The following TEX38 variants were observed in gnomAD, a reference collection of about 807,000 sequenced individuals.
The protein encoded by TEX38 is testis-expressed protein 38.
Under a neutral mutation model 2.7 loss-of-function variants are expected in TEX38, and 5 were observed. The ratio of observed to expected loss-of-function variants is 1.86; its 90% CI spans 0.97 to 3.90. The LOEUF is 3.90. Ranked by LOEUF, TEX38 falls within the 30% of genes most tolerant of loss-of-function variation. TEX38 has a pLI of 0.00. For synonymous variants in TEX38, 110 were observed against 103.3 expected (o/e 1.06, Z -0.39); for missense variants, 218 against 247.9 (o/e 0.88, Z 0.81).
chr1:46,672,220 T>C (rs1676594791), intron 1 of TEX38, among the ~76,000 whole-genome samples: 1 of 151,966 alleles, frequency 6.6e-6, no homozygotes, highest in South Asian at 2.1e-4. Flanking sequence ...GGGACATTGG[T>C]GTCTCTGTCA....
chr1:46,669,992 C>CT (rs1244209539), upstream of TEX38, among the ~76,000 whole-genome samples: 1 of 152,136 alleles, frequency 6.6e-6, no homozygotes, highest in East Asian at 1.9e-4. Flanking sequence ...AAGGATCATG[C>CT]TGGCTGCTGG....
At chr1:46,672,839 C>T (rs932893232) in intron 1 of TEX38, 34 bp from the exon 2 acceptor site, 17 of 1,519,858 alleles carry the variant, frequency 1.1e-5, no homozygotes, top group Non-Finnish European at 1.5e-5. Flanking sequence ...CAGCTATCAG[C>T]CAGCATGCCT....
upstream of TEX38, among the ~76,000 whole-genome samples, chr1:46,670,133 G>A (rs927200703): frequency 6.6e-6 from 1 of 152,106 alleles, no homozygotes; most frequent in African/African-American, 2.4e-5. Context: ...CCAAGTCCTG[G>A]GCAAACCAGG....
At chr1:46,672,040 G>C (rs1261786405) in intron 1 of TEX38, 69 bp downstream of exon 1, 31 of 1,448,814 alleles carry the variant, frequency 2.1e-5, no homozygotes, top group South Asian at 5.8e-5. Context: ...CTCAGGGAAG[G>C]CCCTTTGCAT....
At chr1:46,672,539 T>G (rs538648515) in intron 1 of TEX38, among the ~76,000 whole-genome samples, 1 of 152,328 alleles carries the variant, frequency 6.6e-6, no homozygotes, top group African/African-American at 2.4e-5. Flanking sequence ...TTGATGGACT[T>G]GCCCATAGTG....
upstream of TEX38, among the ~76,000 whole-genome samples, chr1:46,670,974 G>T (rs74798452): frequency 1.5e-3 from 224 of 152,284 alleles, 7 homozygotes; most frequent in East Asian, 0.039. Context: ...AGTCCAGGGA[G>T]ATTAGTTGCT....
At position 46,673,081 on chromosome 1, in the gene TEX38, C is replaced by T. The variant is rs184120146; in HGVS notation, c.246C>T (p.Asn82=). The part of the protein sequence containing the change: ...RRRYGMNAAI[N]TGPAPAVTKT... ...GCTACGGCATGAATGCAGCCATCAA[C>T]ACGGGCCCTGCCCCTGCTGTCACCA... The change falls in exon 2 of 2, where the codon AAC becomes AAT. Residue 82 remains asparagine (N), a synonymous_variant. Transcript: ENST00000334122. 16 of 1,551,772 alleles carry T rather than the reference C, an allele frequency of 1.0e-5. No individual in the cohort carries two copies. The Admixed American group carries it at 3.1e-4, about 30-fold the overall frequency.
Position 46,673,301 on chromosome 1 carries a change from G to GC in TEX38, c.470dup (p.Pro158ThrfsTer22). The GC allele has an allele frequency of 6.4e-7, 1 of 1,551,700 alleles. No homozygotes were observed. The highest frequency in any genetic ancestry group is 8.7e-7 in the Non-Finnish European group (1 of 1,147,004). ...TCCCATCTTTCAGGAGGTGCCCTTT[G>GC]CCCCACCCTTGTGCAACCTACCCCC... On this transcript the variant is annotated frameshift_variant, in exon 2 of 2. Transcript: ENST00000334122. LOFTEE classifies it high-confidence loss of function.
At chr1:46,669,811 G>T (rs1220806423), upstream of TEX38, among the ~76,000 whole-genome samples, 1 of 152,154 alleles carries the variant, frequency 6.6e-6, no homozygotes, top group Non-Finnish European at 1.5e-5. Flanking sequence ...CTGATGAGGA[G>T]GTTATTGAGT....
upstream of TEX38, among the ~76,000 whole-genome samples, chr1:46,670,740 G>C (rs1459483608): frequency 6.6e-6 from 1 of 152,152 alleles, no homozygotes; most frequent in African/African-American, 2.4e-5. Context: ...GTGGACCCTG[G>C]AGAGAATTCT....
At chr1:46,672,589 G>A (rs8179301) in intron 1 of TEX38, among the ~76,000 whole-genome samples, 1 of 152,200 alleles carries the variant, frequency 6.6e-6, no homozygotes, top group African/African-American at 2.4e-5. Flanking sequence ...TCCTGGGTTA[G>A]GAATCAGAGG....
chr1:46,672,873 T>TGTG lies in TEX38; in HGVS notation c.40_42dup (p.Trp14dup). ...CTCTTTTTCTTTCTTGCTGCCTTAG[T>TGTG]GTGGGTCTCATTGTACTTTGGAATC... On this transcript the variant is annotated inframe_insertion and splice_region_variant, in exon 2 of 2. Coordinates refer to ENST00000334122, the MANE Select transcript of TEX38 (RefSeq NM_001145474.4). 2.6e-6 allele frequency: 4 copies of TGTG among 1,549,470 alleles called. No individual in the cohort carries two copies. The highest frequency in any genetic ancestry group is 3.5e-6 in the Non-Finnish European group (4 of 1,145,436).
Position 46,672,759 on chromosome 1 carries a change from T to C in TEX38, c.38-114T>C. ...GGAGGGAAGGAACGGTGAGAGTAGT[T>C]AAGTGGATGGAGCGATTGATGCATG... On this transcript the variant is annotated intron_variant, in intron 1 of 1. Coordinates refer to ENST00000334122, the MANE Select transcript of TEX38 (RefSeq NM_001145474.4). 3 of 925,468 alleles carry C rather than the reference T, an allele frequency of 3.2e-6. No individual in the cohort carries two copies. In the South Asian group the frequency reaches 5.1e-5, roughly 16 times the overall value. 57.3% of individuals were successfully genotyped at this position (925,468 alleles called of 1,614,324 possible). A position where few individuals can be genotyped will look rare whatever the true frequency, so the allele number is the denominator to read the frequency against.
At chr1:46,671,783 C>A (rs1389208307), upstream of TEX38, 1 of 798,390 alleles carries the variant, frequency 1.3e-6, no homozygotes, top group South Asian at 1.5e-5. Context: ...ATGCCCAATT[C>A]TCAGAACCCA....
rs372815487 is a variant in TEX38 at position 46,673,135 on chromosome 1, T to C, written c.300T>C (p.Asp100=). Residue 100 remains aspartate (D), a synonymous_variant, in exon 2 of 2, where the codon GAT becomes GAC. Transcript: ENST00000334122. ...CTGAGACTGAGGTCCAGAATCCAGA[T>C]GTTCTGTGGGATTTGGACATCCCCG... is the stretch of plus-strand genomic sequence containing the variant. The part of the protein sequence containing the change: ...TKTETEVQNP[D]VLWDLDIPEG... 8 of 1,551,554 alleles carry C rather than the reference T, an allele frequency of 5.2e-6. No homozygotes were observed. In the African/African-American group the frequency reaches 1.1e-4, roughly 21 times the overall value.
chr1:46,671,427 T>C (rs887325739), upstream of TEX38, among the ~76,000 whole-genome samples: 1 of 152,202 alleles, frequency 6.6e-6, no homozygotes, highest in Non-Finnish European at 1.5e-5. Context: ...GAAGGAGGTA[T>C]TGACCACTTG....
chr1:46,671,507 G>T (rs1250728401), upstream of TEX38, among the ~76,000 whole-genome samples: 1 of 152,240 alleles, frequency 6.6e-6, no homozygotes, highest in Non-Finnish European at 1.5e-5. Context: ...GCCCAATGCT[G>T]TGTGTTCCTT....
chr1:46,670,353 G>C (rs1676565211), upstream of TEX38, among the ~76,000 whole-genome samples: 1 of 152,226 alleles, frequency 6.6e-6, no homozygotes, highest in South Asian at 2.1e-4. Flanking sequence ...CCGAAGGACA[G>C]AGATACTACT....
upstream of TEX38, among the ~76,000 whole-genome samples, chr1:46,670,296 G>C (rs1676564490): frequency 6.6e-6 from 1 of 152,196 alleles, no homozygotes; most frequent in African/African-American, 2.4e-5. Context: ...GGGTGTGATA[G>C]AATGAAAGGA....
Sources: allele counts gnomAD v4.1 joint callset (sites outside exome capture counted in the v4.1 genomes callset), GRCh38; gene constraint gnomAD v4.1.1; transcripts MANE v1.5; gene names NCBI Gene and HGNC (gene_info 2026-07-23, HGNC 2026-07-21).